Variants in HS3ST4 observed in about 807,000 individuals in gnomAD.
HS3ST4 encodes the protein heparan sulfate-glucosamine 3-sulfotransferase 4, also known as heparan sulfate glucosamine 3-O-sulfotransferase 4.
Under a neutral mutation model 29.2 loss-of-function variants are expected in HS3ST4, and 17 were observed. That is an observed-to-expected ratio of 0.58 (90% CI 0.40 to 0.87). HS3ST4 has a LOEUF of 0.87. HS3ST4 is among the 40% of genes least tolerant of loss of function. HS3ST4 has a pLI of 0.00. For synonymous variants in HS3ST4, 314 were observed against 285.7 expected (o/e 1.10, Z -1.00); for missense variants, 627 against 634.5 (o/e 0.99, Z 0.13).
chr16:25,718,503 AG>A (rs1966473005), intron 1 of HS3ST4, among the ~76,000 whole-genome samples: 1 of 12,382 alleles, frequency 8.1e-5, no homozygotes, highest in African/African-American at 1.3e-4. Context: ...CAGAAATGGG[AG>A]AGAGAGAGAG....
At chr16:25,913,180 A>G (rs979945498) in intron 1 of HS3ST4, among the ~76,000 whole-genome samples, 2 of 152,222 alleles carry the variant, frequency 1.3e-5, no homozygotes, top group African/African-American at 4.8e-5. Context: ...CTTCTGATAA[A>G]TTCCCGGATA....
chr16:25,894,367 G>A (rs1968039041), intron 1 of HS3ST4, among the ~76,000 whole-genome samples: 1 of 152,198 alleles, frequency 6.6e-6, no homozygotes, highest in Non-Finnish European at 1.5e-5. Context: ...CATTGATGTT[G>A]TGGGAGGCAA....
chr16:26,019,878 G>A (rs552661103), intron 1 of HS3ST4, among the ~76,000 whole-genome samples: 56 of 152,200 alleles, frequency 3.7e-4, no homozygotes, highest in African/African-American at 8.2e-4. Flanking sequence ...ATTCTGACTC[G>A]CATCACACAG....
intron 1 of HS3ST4, among the ~76,000 whole-genome samples, chr16:25,873,417 C>CCCTTTGT (rs1967783262): frequency 9.7e-6 from 1 of 103,248 alleles, no homozygotes; most frequent in African/African-American, 3.8e-5. Flanking sequence ...CATCCATCCA[C>CCCTTTGT]CCATCCATCC....
At chr16:25,773,770 T>C (rs1362648563) in intron 1 of HS3ST4, among the ~76,000 whole-genome samples, 1 of 152,220 alleles carries the variant, frequency 6.6e-6, no homozygotes, top group Admixed American at 6.5e-5. Flanking sequence ...TTGTACCCAA[T>C]AGGTAATTTT....
chr16:26,106,408 G>T lies in HS3ST4; in HGVS notation c.735-29204G>T, dbSNP rs1476907363. On this transcript the variant is annotated intron_variant, in intron 1 of 1. Transcript: ENST00000331351. Reference sequence around the variant, plus strand: ...AGGAACCTATCTGGCTACTTTATTTGATCCTAATAAATGAGATATTTTGTA... The same window carrying T: ...AGGAACCTATCTGGCTACTTTATTTTATCCTAATAAATGAGATATTTTGTA... Among the ~76,000 whole-genome samples, 4 of 152,112 alleles carry T rather than the reference G, an allele frequency of 2.6e-5. No individual in the cohort carries two copies. In the East Asian group the frequency reaches 7.7e-4, roughly 29 times the overall value.
Position 26,049,414 on chromosome 16 carries a change from G to A in HS3ST4, c.735-86198G>A, listed in dbSNP as rs1596662929. On this transcript the variant is annotated intron_variant, in intron 1 of 1. Coordinates refer to ENST00000331351, the MANE Select transcript of HS3ST4 (RefSeq NM_006040.3). ...AGGTCTACATCCGGAGAATGATGTG[G>A]CTGTGAGTAGATGTGCCCGTGCATT... is the stretch of plus-strand genomic sequence containing the variant. Among the ~76,000 whole-genome samples the A allele has an allele frequency of 2.1e-5, 3 of 141,248 alleles. No homozygotes were observed. The Admixed American group carries it at 2.2e-4, about 10-fold the overall frequency. 92.7% of individuals were successfully genotyped at this position (141,248 alleles called of 152,430 possible).
At chr16:25,742,711 G>A (rs1011330096) in intron 1 of HS3ST4, among the ~76,000 whole-genome samples, 2 of 152,122 alleles carry the variant, frequency 1.3e-5, no homozygotes, top group Non-Finnish European at 2.9e-5. Context: ...AGCTGCTGCC[G>A]ACCTTTTGTT....
chr16:25,762,225 A>G (rs777357234), intron 1 of HS3ST4, among the ~76,000 whole-genome samples: 1 of 152,186 alleles, frequency 6.6e-6, no homozygotes, highest in Non-Finnish European at 1.5e-5. Flanking sequence ...GTTTAAGCCA[A>G]CAGAGTCTAT....
chr16:25,984,230 A>G (rs567499450), intron 1 of HS3ST4, among the ~76,000 whole-genome samples: 1 of 152,250 alleles, frequency 6.6e-6, no homozygotes, highest in African/African-American at 2.4e-5. Context: ...CCTTTTTGGA[A>G]CCTGGGACTG....
At chr16:25,935,480 C>G (rs1421101228) in intron 1 of HS3ST4, among the ~76,000 whole-genome samples, 1 of 152,096 alleles carries the variant, frequency 6.6e-6, no homozygotes, top group Non-Finnish European at 1.5e-5. Context: ...TTTTATTCTC[C>G]CCTCCCCCAG....
chr16:25,963,654 T>C (rs1968815626), intron 1 of HS3ST4, among the ~76,000 whole-genome samples: 1 of 152,256 alleles, frequency 6.6e-6, no homozygotes, highest in Admixed American at 6.5e-5. Context: ...CATCAAATAA[T>C]TTAGTCTTGT....
chr16:25,717,136 C>T (rs775749001), intron 1 of HS3ST4, among the ~76,000 whole-genome samples: 3 of 152,088 alleles, frequency 2.0e-5, no homozygotes, highest in Non-Finnish European at 2.9e-5. Flanking sequence ...GAAGAGGAAC[C>T]TTGGCTGACC....
At chr16:25,693,188 TG>T in intron 1 of HS3ST4, 37 bp downstream of exon 1, 1 of 1,511,018 alleles carries the variant, frequency 6.6e-7, no homozygotes, top group South Asian at 1.3e-5. Flanking sequence ...TGGAGACGCG[TG>T]GGGGAGACGC....
At chr16:26,038,565 C>T (rs2141757274) in intron 1 of HS3ST4, among the ~76,000 whole-genome samples, 1 of 152,176 alleles carries the variant, frequency 6.6e-6, no homozygotes, top group Middle Eastern at 3.4e-3. Flanking sequence ...GCCTACATGC[C>T]CACACCCCTG....
At chr16:26,039,600 A>G (rs1969616849) in intron 1 of HS3ST4, among the ~76,000 whole-genome samples, 1 of 152,172 alleles carries the variant, frequency 6.6e-6, no homozygotes, top group East Asian at 1.9e-4. Context: ...AAACAATCCA[A>G]TTACACTATT....
intron 1 of HS3ST4, among the ~76,000 whole-genome samples, chr16:25,695,178 G>A (rs763686490): frequency 5.3e-5 from 8 of 152,142 alleles, no homozygotes; most frequent in Non-Finnish European, 1.0e-4. Flanking sequence ...ATATTTGGTA[G>A]CCACTCACAG....
chr16:25,980,160 C>T (rs1351251792), intron 1 of HS3ST4, among the ~76,000 whole-genome samples: 1 of 152,178 alleles, frequency 6.6e-6, no homozygotes, highest in African/African-American at 2.4e-5. Flanking sequence ...TCTAGGTTGT[C>T]TCTAGGATGA....
At chr16:26,063,733 C>T (rs920545863) in intron 1 of HS3ST4, among the ~76,000 whole-genome samples, 1 of 151,932 alleles carries the variant, frequency 6.6e-6, no homozygotes, top group Non-Finnish European at 1.5e-5. Context: ...AGGTGAGATG[C>T]TCACAGAACC....
Sources: allele counts gnomAD v4.1 joint callset (sites outside exome capture counted in the v4.1 genomes callset), GRCh38; gene constraint gnomAD v4.1.1; transcripts MANE v1.5; gene names NCBI Gene and HGNC (gene_info 2026-07-23, HGNC 2026-07-21).